WNK1: variants seen among roughly 807,000 people sequenced by gnomAD.
WNK1 encodes WNK lysine deficient protein kinase 1.
A neutral mutation model predicts 222.8 loss-of-function variants in WNK1; 38 were observed. The ratio of observed to expected loss-of-function variants is 0.17; its 90% confidence interval spans 0.13 to 0.22. The LOEUF (loss-of-function observed/expected upper bound fraction) is 0.22, where lower values mean the gene tolerates loss of function less well. WNK1 is among the 10% of genes least tolerant of loss of function. The pLI is 1.00. For synonymous variants in WNK1, 1,090 were observed against 1,092.9 expected (o/e 1.00, Z 0.05); for missense variants, 2,348 against 2,918.4 (o/e 0.80, Z 4.50).
At chr12:800,350 A>G (rs1945752917) in intron 1 of WNK1, among the ~76,000 whole-genome samples, 2 of 152,104 alleles carry the variant, frequency 1.3e-5, no homozygotes, top group Admixed American at 1.3e-4. Flanking sequence ...GTGAGTTTAT[A>G]ATACTTTATA....
intron 1 of WNK1, among the ~76,000 whole-genome samples, chr12:767,379 A>G (rs1386364619): frequency 6.6e-6 from 1 of 150,692 alleles, no homozygotes; most frequent in Non-Finnish European, 1.5e-5. Context: ...CAGCCTGCTG[A>G]GTAGCTGGGA....
Position 880,842 on chromosome 12 carries a change from T to A in WNK1, c.2954T>A (p.Leu985Gln). 6.2e-7 allele frequency: 1 copy of A among 1,614,116 alleles called. No homozygotes were observed. Among genetic ancestry groups the A allele is most frequent in the East Asian group, 2.2e-5 (1 of 44,882 alleles). ...VLSPPMPTEVLATPGYFPTVV... is the reference protein window; with the variant it reads ...VLSPPMPTEVQATPGYFPTVV... ...TCCCCTCCCATGCCGACAGAAGTAC[T>A]GGCTACACCTGGGTACTTTCCCACA... Residue 985 changes from leucine to glutamine, a missense_variant, in exon 12 of 28, where the codon CTG (leucine) becomes CAG (glutamine). Physicochemically the swap from Leu to Gln is moderately radical, Grantham distance 113. Transcript: ENST00000315939.
Position 896,662 on chromosome 12 carries a change from A to C in WNK1, c.6175A>C (p.Met2059Leu), listed in dbSNP as rs1298904248. The change falls in exon 24 of 28, where the codon ATG becomes CTG. Residue 2059 changes from methionine (M) to leucine (L), a missense_variant. Around this residue, in one of 13 missense-constraint regions of WNK1, gnomAD observed 1,144 missense variants for 1,273.6 expected, o/e 0.90. Coordinates refer to ENST00000315939, the MANE Select transcript of WNK1 (RefSeq NM_018979.4). Reference protein sequence around the residue: ...SLSNSFNSSYMSSDNESDIED... With the variant: ...SLSNSFNSSYLSSDNESDIED... The stretch of plus-strand genomic sequence containing the variant: ...TAGTAATTCATTTAACTCCTCTTAC[A>C]TGAGTAGCGACAATGAGTCAGATAT... 2 of 1,610,290 alleles carry C rather than the reference A, an allele frequency of 1.2e-6. No individual in the cohort carries two copies. Among genetic ancestry groups the C allele is most frequent in the East Asian group, 2.2e-5 (1 of 44,852 alleles).
chr12:885,679 T>A lies in WNK1; in HGVS notation c.4875T>A (p.Ala1625=). The change falls in exon 19 of 28, where the codon GCT becomes GCA. Residue 1625 remains alanine, a synonymous_variant. Coordinates refer to ENST00000315939, the MANE Select transcript of WNK1 (RefSeq NM_018979.4). ...QTLIHSQPQP[A]LLPNQPHTHC... ...TAATTCATAGTCAGCCTCAACCAGC[T>A]TTGCTTCCCAACCAGCCCCATACTC... 2 of 1,614,170 alleles carry A rather than the reference T, an allele frequency of 1.2e-6. No homozygotes were observed. Among genetic ancestry groups the A allele is most frequent in the East Asian group, 4.5e-5 (2 of 44,886 alleles).
intron 13 of WNK1, 25 bp downstream of exon 13, chr12:881,814 C>A: frequency 6.2e-7 from 1 of 1,613,728 alleles, no homozygotes; most frequent in Non-Finnish European, 8.5e-7. Flanking sequence ...AATTCTCCTT[C>A]CTTGACTGGT....
chr12:758,035 T>TAAAA (rs71051381), intron 1 of WNK1, among the ~76,000 whole-genome samples: 3 of 116,268 alleles, frequency 2.6e-5, no homozygotes, highest in Admixed American at 8.6e-5. Flanking sequence ...ACTCTGTCTC[T>TAAAA]AAAAAAAAAA....
intron 23 of WNK1, among the ~76,000 whole-genome samples, chr12:894,875 A>G (rs961126384): frequency 2.0e-5 from 3 of 152,168 alleles, no homozygotes; most frequent in Admixed American, 1.3e-4. Context: ...CCACCTCCCA[A>G]GATTACTTTT....
At chr12:795,678 T>G (rs970363955) in intron 1 of WNK1, among the ~76,000 whole-genome samples, 1 of 152,136 alleles carries the variant, frequency 6.6e-6, no homozygotes, top group Non-Finnish European at 1.5e-5. Flanking sequence ...ACTAATACAG[T>G]TTCTATAGTT....
chr12:765,931 C>T (rs939582637), intron 1 of WNK1, among the ~76,000 whole-genome samples: 1 of 152,030 alleles, frequency 6.6e-6, no homozygotes, highest in Admixed American at 6.6e-5. Context: ...TTTTGGGAAA[C>T]TGTACAAAGG....
intron 1 of WNK1, among the ~76,000 whole-genome samples, chr12:804,416 G>GT (rs1190236230): frequency 0.039 from 5,661 of 144,082 alleles, 297 homozygotes; most frequent in African/African-American, 0.12. Flanking sequence ...CAAACTGAAA[G>GT]TTTTTTTTTT....
At chr12:907,486 C>G (rs1955806878) in intron 26 of WNK1, among the ~76,000 whole-genome samples, 1 of 152,206 alleles carries the variant, frequency 6.6e-6, no homozygotes, top group Non-Finnish European at 1.5e-5. Flanking sequence ...GAGCAACTAG[C>G]CTTGCTGATT....
intron 6 of WNK1, among the ~76,000 whole-genome samples, chr12:859,933 C>G (rs976096111): frequency 6.6e-6 from 1 of 152,016 alleles, no homozygotes; most frequent in Non-Finnish European, 1.5e-5. Flanking sequence ...CCAGGCTTGT[C>G]TCGAACTCCT....
chr12:817,941 G>A (rs1242784280), intron 2 of WNK1, among the ~76,000 whole-genome samples: 1 of 152,030 alleles, frequency 6.6e-6, no homozygotes, highest in African/African-American at 2.4e-5. Flanking sequence ...GACAGAGTGA[G>A]ACTCCATCTC....
At chr12:905,819 C>T (rs541706063) in intron 26 of WNK1, among the ~76,000 whole-genome samples, 1 of 152,328 alleles carries the variant, frequency 6.6e-6, no homozygotes, top group South Asian at 2.1e-4. Flanking sequence ...CTCTTCCCTT[C>T]ACACTGTATG....
chr12:812,527 TGTACA>T (rs1565465558), intron 1 of WNK1, among the ~76,000 whole-genome samples: 1 of 152,142 alleles, frequency 6.6e-6, no homozygotes, highest in Non-Finnish European at 1.5e-5. Context: ...GTAAGAGGCA[TGTACA>T]TAGTATCCAT....
rs541980913 is a variant in WNK1, at chr12:835,623, A to T, written c.1311+5463A>T. 2.6e-5 allele frequency among the ~76,000 whole-genome samples: 4 copies of T among 152,018 alleles called. No individual in the cohort carries two copies. The South Asian group carries it at 6.2e-4, about 24-fold the overall frequency. On this transcript the variant is annotated intron_variant, in intron 4 of 27. Transcript: ENST00000315939. ...AAGTTGTGCCTCACCTGGAGTTTAC[A>T]TTCAGTTTTGTTAAAAAAAAAAAAA...
rs1939491446 is a variant in WNK1 at position 753,485 on chromosome 12, C to A, written c.-81C>A. 4.4e-6 allele frequency: 7 copies of A among 1,590,454 alleles called. No individual in the cohort carries two copies. Among genetic ancestry groups the A allele is most frequent in the Non-Finnish European group, 5.1e-6 (6 of 1,169,160 alleles). ...CCGCCCGGCCGCGGTTCCCTGCAGA[C>A]CTCTGCGCGGGCGGCTCGGCCCTTC... On this transcript the variant is annotated 5_prime_UTR_variant, in exon 1 of 28. Transcript: ENST00000315939. This position sits in a 1 kb window ranked among gnomAD's most constrained non-coding sequence, Gnocchi z 5.2.
At chr12:772,014 A>G (rs761512810) in intron 1 of WNK1, among the ~76,000 whole-genome samples, 37 of 152,138 alleles carry the variant, frequency 2.4e-4, no homozygotes, top group Non-Finnish European at 2.6e-4. Context: ...GTTTATGGCT[A>G]CAAACTAATT....
chr12:884,208 A>C lies in WNK1; in HGVS notation c.3809A>C (p.Glu1270Ala). Residue 1270 changes from glutamate (E) to alanine (A), a missense_variant, in exon 18 of 28, where the codon GAA (glutamate) becomes GCA (alanine). Physicochemically the swap from Glu to Ala is moderately radical, Grantham distance 107. Transcript: ENST00000315939. The surrounding 1 kb of genome is among the most constrained non-coding windows in gnomAD (Gnocchi z 5.6). ...VSPVPESRLR[E>A]SKVFPSEITD... ...CCTGTGCCAGAAAGCCGATTACGAGAATCAAAAGTTTTCCCCAGTGAAATA... is the reference window on the plus strand; with the variant it reads ...CCTGTGCCAGAAAGCCGATTACGAGCATCAAAAGTTTTCCCCAGTGAAATA... 1.2e-6 allele frequency: 2 copies of C among 1,614,200 alleles called. No individual in the cohort carries two copies. The highest frequency in any genetic ancestry group is 1.7e-6 in the Non-Finnish European group (2 of 1,180,018).
Sources: allele counts gnomAD v4.1 joint callset (sites outside exome capture counted in the v4.1 genomes callset), GRCh38; gene constraint gnomAD v4.1.1; regional missense constraint gnomAD v4.1.1; non-coding constraint Gnocchi (gnomAD v3.1); transcripts MANE v1.5; gene names NCBI Gene and HGNC (gene_info 2026-07-23, HGNC 2026-07-21).